PTCHD4: variants seen among roughly 807,000 people sequenced by gnomAD.
The protein encoded by PTCHD4 is patched domain-containing protein 4.
Under a neutral mutation model 58.1 loss-of-function variants are expected in PTCHD4, and 33 were observed. The ratio of observed to expected loss-of-function variants is 0.57; its 90% CI spans 0.43 to 0.76. PTCHD4 has a LOEUF of 0.76. Ranked by LOEUF, PTCHD4 falls within the 30% of genes least tolerant of loss-of-function variation. The probability of loss-of-function intolerance (pLI) is 0.00; values close to 1 mark genes in which losing one functional copy is unlikely to be tolerated. For missense variants in PTCHD4, 1,058 were observed against 1,027.1 expected (o/e 1.03, Z -0.41); for synonymous variants, 478 against 409.6 (o/e 1.17, Z -2.02).
At chr6:48,046,318 C>G (rs956691391) in intron 3 of PTCHD4, among the ~76,000 whole-genome samples, 5 of 151,800 alleles carry the variant, frequency 3.3e-5, no homozygotes, top group African/African-American at 1.2e-4. Flanking sequence ...AACAAAATAA[C>G]TGAAGATGCA....
At position 47,865,564 on chromosome 6, in the gene PTCHD4, A is replaced by C. The variant is rs1172264203; in HGVS notation, c.*12739T>G. Among the ~76,000 whole-genome samples, 1 of 151,908 alleles carries C rather than the reference A, an allele frequency of 6.6e-6. No individual in the cohort carries two copies. Among genetic ancestry groups the C allele is most frequent in the African/African-American group, 2.4e-5 (1 of 41,406 alleles). On this transcript the variant is annotated 3_prime_UTR_variant, in exon 5 of 5. Coordinates refer to ENST00000339488, the MANE Select transcript of PTCHD4 (RefSeq NM_001384253.1). ...GAATATTGTTGTGTTTTAGACACTCAAAGTTCTTGGGTGTTCAGGCCATCT... is the reference window on the plus strand; with the variant it reads ...GAATATTGTTGTGTTTTAGACACTCCAAGTTCTTGGGTGTTCAGGCCATCT...
At chr6:48,031,049 T>C (rs530426270) in intron 3 of PTCHD4, among the ~76,000 whole-genome samples, 1 of 152,134 alleles carries the variant, frequency 6.6e-6, no homozygotes, top group African/African-American at 2.4e-5. Context: ...AAAGATTCTT[T>C]GCTCAGGGAA....
intron 1 of PTCHD4, among the ~76,000 whole-genome samples, chr6:48,070,836 G>C (rs1274983031): frequency 6.6e-6 from 1 of 152,136 alleles, no homozygotes; most frequent in African/African-American, 2.4e-5. Flanking sequence ...CACATGATGG[G>C]AAAGTTTTGG....
rs141587611 is a variant in PTCHD4 at position 48,092,010 on chromosome 6, C to T, written c.-970+19039G>A. Among the ~76,000 whole-genome samples, 420 of 152,094 alleles carry T rather than the reference C, an allele frequency of 2.8e-3. 2 individuals are homozygous for T. Among genetic ancestry groups the T allele is most frequent in the African/African-American group, 8.7e-3 (359 of 41,492 alleles). ...ATACACATACACACACACACATACACACACACACATACACACACACAATAA... is the reference window on the plus strand; with the variant it reads ...ATACACATACACACACACACATACATACACACACATACACACACACAATAA... On this transcript the variant is annotated intron_variant, in intron 1 of 4. Coordinates refer to ENST00000339488, the MANE Select transcript of PTCHD4 (RefSeq NM_001384253.1).
Position 48,069,787 on chromosome 6 carries a change from CT to C in PTCHD4, c.-831del, listed in dbSNP as rs1462457529. 2.6e-5 allele frequency among the ~76,000 whole-genome samples: 4 copies of C among 152,134 alleles called. No homozygotes were observed. Among genetic ancestry groups the C allele is most frequent in the Admixed American group, 6.5e-5 (1 of 15,278 alleles). ...ATTAAAGGACAGAAAGTTCCTAAAG[CT>C]GATTTCAGTCCCCTTTTCCAGTGTC... On this transcript the variant is annotated 5_prime_UTR_variant, in exon 2 of 5. An upstream open reading frame in the 5' UTR loses its in-frame stop. Coordinates refer to ENST00000339488, the MANE Select transcript of PTCHD4 (RefSeq NM_001384253.1).
intron 4 of PTCHD4, among the ~76,000 whole-genome samples, chr6:47,913,247 T>C (rs1330215446): frequency 6.6e-6 from 1 of 152,110 alleles, no homozygotes; most frequent in African/African-American, 2.4e-5. Flanking sequence ...GATTAAATAA[T>C]ATTCTGTTTA....
chr6:48,083,266 G>A (rs1765200300), intron 1 of PTCHD4, among the ~76,000 whole-genome samples: 2 of 151,278 alleles, frequency 1.3e-5, no homozygotes, highest in African/African-American at 2.4e-5. Context: ...ATATTATATG[G>A]GTAACTATAT....
rs903711007 is a variant in PTCHD4 at position 47,875,354 on chromosome 6, A to G, written c.*2949T>C. 1.3e-5 allele frequency among the ~76,000 whole-genome samples: 2 copies of G among 151,844 alleles called. No homozygotes were observed. The highest frequency in any genetic ancestry group is 1.3e-4 in the Admixed American group (2 of 15,206). Reference sequence around the variant, plus strand: ...GGTGACCTGCAAGTCATGATCTCATATCTTAGGATGTATCTTAGTATTCAG... The same window carrying G: ...GGTGACCTGCAAGTCATGATCTCATGTCTTAGGATGTATCTTAGTATTCAG... On this transcript the variant is annotated 3_prime_UTR_variant, in exon 5 of 5. Transcript: ENST00000339488.
intron 3 of PTCHD4, among the ~76,000 whole-genome samples, chr6:48,049,874 T>G (rs1007619232): frequency 1.3e-5 from 2 of 151,994 alleles, no homozygotes; most frequent in Non-Finnish European, 2.9e-5. Flanking sequence ...TAGTCATTAT[T>G]AAATAAGATA....
intron 1 of PTCHD4, among the ~76,000 whole-genome samples, chr6:48,109,809 G>C (rs771883550): frequency 9.2e-5 from 14 of 151,934 alleles, no homozygotes; most frequent in Non-Finnish European, 1.9e-4. Context: ...CATACAAGTC[G>C]CCAAAAGGTA....
chr6:48,055,494 T>C (rs923082568), intron 3 of PTCHD4, among the ~76,000 whole-genome samples: 3 of 152,136 alleles, frequency 2.0e-5, no homozygotes, highest in Non-Finnish European at 2.9e-5. Context: ...AAATATAAAT[T>C]TGAACACTGC....
At chr6:48,016,212 C>A (rs557164010) in intron 3 of PTCHD4, among the ~76,000 whole-genome samples, 1 of 151,832 alleles carries the variant, frequency 6.6e-6, no homozygotes, top group African/African-American at 2.4e-5. Context: ...CAAAAGCCAG[C>A]GTAAGATGCT....
chr6:48,086,134 G>C (rs1765259395), intron 1 of PTCHD4, among the ~76,000 whole-genome samples: 1 of 152,174 alleles, frequency 6.6e-6, no homozygotes, highest in Admixed American at 6.5e-5. Flanking sequence ...AGCAATAAGA[G>C]TGCAAAATAT....
chr6:48,057,573 T>C (rs1014063701), intron 3 of PTCHD4, among the ~76,000 whole-genome samples: 9 of 152,226 alleles, frequency 5.9e-5, no homozygotes, highest in African/African-American at 2.2e-4. Context: ...CTGGAAGTAC[T>C]TAGAGAAGCT....
chr6:47,973,341 C>A (rs1468185927), intron 4 of PTCHD4, among the ~76,000 whole-genome samples: 2 of 152,176 alleles, frequency 1.3e-5, no homozygotes, highest in African/African-American at 2.4e-5. Context: ...AGTACCCAAA[C>A]AACAAGGAAA....
At chr6:48,021,612 A>AT (rs139823059) in intron 3 of PTCHD4, among the ~76,000 whole-genome samples, 157 of 150,552 alleles carry the variant, frequency 1.0e-3, no homozygotes, top group South Asian at 2.1e-3. Flanking sequence ...AAGCTAGCTT[A>AT]TTTTTTTTTT....
At position 47,857,199 on chromosome 6, in the gene PTCHD4, T is replaced by G. The variant is rs1561922117; in HGVS notation, c.*21104A>C. Among the ~76,000 whole-genome samples the G allele has an allele frequency of 6.6e-6, 1 of 152,090 alleles. No individual in the cohort carries two copies. Among genetic ancestry groups the G allele is most frequent in the South Asian group, 2.1e-4 (1 of 4,828 alleles). ...TCCTTTCAACAGTTTTGTCCCAAAG[T>G]GCTGCTAACTGTGTGCTGGTGTATT... On this transcript the variant is annotated 3_prime_UTR_variant, in exon 5 of 5. Transcript: ENST00000339488.
intron 4 of PTCHD4, among the ~76,000 whole-genome samples, chr6:47,984,007 T>C (rs1222096399): frequency 1.3e-5 from 2 of 152,180 alleles, no homozygotes; most frequent in African/African-American, 2.4e-5. Context: ...TTAGAAATAA[T>C]ATGCTGTAAA....
In PTCHD4 at chr6:47,971,731, A is replaced by C. The variant is rs566966388; in HGVS notation, c.898+36903T>G. On this transcript the variant is annotated intron_variant, in intron 4 of 4. Coordinates refer to ENST00000339488, the MANE Select transcript of PTCHD4 (RefSeq NM_001384253.1). Reference sequence around the variant, plus strand: ...CACTCCATGTAAACAAGAAGACTCAAGATTTAAGAAACAAGGCCACCATCA... The same window carrying C: ...CACTCCATGTAAACAAGAAGACTCACGATTTAAGAAACAAGGCCACCATCA... 5.3e-5 allele frequency among the ~76,000 whole-genome samples: 8 copies of C among 152,340 alleles called. No individual in the cohort carries two copies. The South Asian group carries it at 1.0e-3, about 20-fold the overall frequency.
Sources: allele counts gnomAD v4.1 joint callset (sites outside exome capture counted in the v4.1 genomes callset), GRCh38; gene constraint gnomAD v4.1.1; transcripts MANE v1.5; gene names NCBI Gene and HGNC (gene_info 2026-07-23, HGNC 2026-07-21).